LRRK1: variants seen among roughly 807,000 people sequenced by gnomAD.
The protein encoded by LRRK1 is leucine rich repeat kinase 1.
Under a neutral mutation model 209.1 loss-of-function variants are expected in LRRK1, and 113 were observed. The ratio of observed to expected loss-of-function variants is 0.54; its 90% CI spans 0.46 to 0.63. LRRK1 has a LOEUF of 0.63. LRRK1 is among the 30% of genes least tolerant of loss of function. The pLI is 0.00. For synonymous variants in LRRK1, 1,144 were observed against 1,099.7 expected, an observed-to-expected ratio of 1.04 and a Z score of -0.80; for missense variants, 2,284 against 2,632.2, an observed-to-expected ratio of 0.87 and a Z score of 2.89.
Position 101,067,676 on chromosome 15 carries a change from T to C in LRRK1, c.5870+935T>C, listed in dbSNP as rs190448680. On this transcript the variant is annotated intron_variant, in intron 33 of 33. Transcript: ENST00000388948. ...AGCTTTGAACTTTTGCAGTGAGTCC[T>C]GGGCCAGTGACCCTTACTCTGTAAG... Among the ~76,000 whole-genome samples the C allele has an allele frequency of 6.6e-3, 1,001 of 152,318 alleles. 10 individuals carry two copies. The highest frequency in any genetic ancestry group is 0.023 in the African/African-American group (967 of 41,568).
In LRRK1 at chr15:101,019,394, T is replaced by A. The variant is rs1365508940; in HGVS notation, c.1610-1659T>A. Among the ~76,000 whole-genome samples the A allele has an allele frequency of 2.0e-5, 3 of 152,184 alleles. No homozygotes were observed. In the East Asian group the frequency reaches 5.8e-4, roughly 29 times the overall value. ...TTCATTGAAGGAAAAAAAAGGAAGC[T>A]TTTTGAACATTTCCTTACCTAGCAA... On this transcript the variant is annotated intron_variant, in intron 12 of 33. Transcript: ENST00000388948.
At chr15:101,050,572 G>C (rs2035365594) in intron 23 of LRRK1, among the ~76,000 whole-genome samples, 1 of 152,192 alleles carries the variant, frequency 6.6e-6, no homozygotes, top group Non-Finnish European at 1.5e-5. Flanking sequence ...GAGCGGGTTT[G>C]GAATTCCAGT....
chr15:101,021,811 TGTA>T, intron 13 of LRRK1, 31 bp from the exon 14 acceptor site: 2 of 1,050,954 alleles, frequency 1.9e-6, no homozygotes, highest in African/African-American at 1.7e-5. Context: ...TGTGTGTGTG[TGTA>T]TTCTCTCGTG....
At chr15:100,952,547 T>A (rs1182357569) in intron 2 of LRRK1, among the ~76,000 whole-genome samples, 7 of 152,234 alleles carry the variant, frequency 4.6e-5, no homozygotes, top group Non-Finnish European at 1.0e-4. Flanking sequence ...TGATCATATA[T>A]TTTTCCATGT....
At position 101,008,359 on chromosome 15, in the gene LRRK1, G is replaced by A. The variant is rs186002040; in HGVS notation, c.763-478G>A. ...CAGCCTGTCCACCAAGCACCCTGGC[G>A]CGGTGCGGGCAGCTGCAGGCGGCAG... is the stretch of plus-strand genomic sequence containing the variant. On this transcript the variant is annotated intron_variant, in intron 6 of 33. Coordinates refer to ENST00000388948, the MANE Select transcript of LRRK1 (RefSeq NM_024652.6). Among the ~76,000 whole-genome samples, 1,490 of 152,216 alleles carry A rather than the reference G, an allele frequency of 9.8e-3. 16 individuals are homozygous for A. Among genetic ancestry groups the A allele is most frequent in the Non-Finnish European group, 0.013 (895 of 68,014 alleles).
intron 2 of LRRK1, among the ~76,000 whole-genome samples, chr15:100,958,566 T>G (rs1363849847): frequency 6.6e-6 from 1 of 152,248 alleles, no homozygotes; most frequent in African/African-American, 2.4e-5. Context: ...GCATGATTCA[T>G]CCCAGATGGC....
At chr15:100,930,903 T>C in intron 2 of LRRK1, among the ~76,000 whole-genome samples, 1 of 152,248 alleles carries the variant, frequency 6.6e-6, no homozygotes, top group East Asian at 1.9e-4. Flanking sequence ...AACTTGAGTG[T>C]GTGAATTGCA....
At position 100,919,893 on chromosome 15, in the gene LRRK1, G is replaced by C. The variant is rs545765307; in HGVS notation, c.-123+442G>C. 20 of 152,610 alleles carry C rather than the reference G, an allele frequency of 1.3e-4. No individual in the cohort carries two copies. The highest frequency in any genetic ancestry group is 4.6e-4 in the African/African-American group (19 of 41,586). The allele number at this position is 152,610 out of a possible 1,614,324, so 9.5% of individuals were successfully genotyped here. The stretch of plus-strand genomic sequence containing the variant: ...TTAGCGGGGAGCGGGCGGAGTGTGA[G>C]CGCGCGGGTGAGCCCGTGCCGGGGT... On this transcript the variant is annotated intron_variant, in intron 1 of 33. Transcript: ENST00000388948. This position sits in a 1 kb window ranked among gnomAD's most constrained non-coding sequence, Gnocchi z 5.8.
At position 101,063,942 on chromosome 15, in the gene LRRK1, CCACCGCTGGCGAGAGCCCCCAGCCAGGG is replaced by C. The variant is rs201832343; in HGVS notation, c.4914+1257_4914+1284del. Among the ~76,000 whole-genome samples, 25 of 152,370 alleles carry C rather than the reference CCACCGCTGGCGAGAGCCCCCAGCCAGGG, an allele frequency of 1.6e-4. 1 individual carries two copies. In the East Asian group the frequency reaches 4.8e-3, roughly 29 times the overall value. On this transcript the variant is annotated intron_variant, in intron 31 of 33. Coordinates refer to ENST00000388948, the MANE Select transcript of LRRK1 (RefSeq NM_024652.6). Reference sequence around the variant, plus strand: ...AACACGACACAAAGTGTTATTGAGGCCACCGCTGGCGAGAGCCCCCAGCCAGGGCACCACCTCCTGCACGACCAGAGGG... The same window carrying C: ...AACACGACACAAAGTGTTATTGAGGCCACCACCTCCTGCACGACCAGAGGG...
In LRRK1 at chr15:101,072,374, C is replaced by T. The variant is rs185340767; in HGVS notation, c.*3526C>T. The T allele has an allele frequency of 3.9e-5, 6 of 152,360 alleles. No homozygotes were observed. The highest frequency in any genetic ancestry group is 1.4e-4 in the African/African-American group (6 of 41,574). The allele number at this position is 152,360 out of a possible 1,614,324, so 9.4% of individuals were successfully genotyped here. A position where few individuals can be genotyped will look rare whatever the true frequency, so the allele number is the denominator to read the frequency against. ...GGTCATAAAATTCCTGCACATGCAA[C>T]AGTGCCATCCTCTGCAGCCTGTCAA... On this transcript the variant is annotated 3_prime_UTR_variant, in exon 34 of 34. Coordinates refer to ENST00000388948, the MANE Select transcript of LRRK1 (RefSeq NM_024652.6).
chr15:100,936,290 C>A (rs2042298532), intron 2 of LRRK1, among the ~76,000 whole-genome samples: 1 of 152,174 alleles, frequency 6.6e-6, no homozygotes, highest in South Asian at 2.1e-4. Context: ...CCTTCAACTC[C>A]AGGGGTAGCC....
At chr15:100,967,034 G>A (rs2030508718) in intron 2 of LRRK1, among the ~76,000 whole-genome samples, 1 of 152,212 alleles carries the variant, frequency 6.6e-6, no homozygotes, top group South Asian at 2.1e-4. Flanking sequence ...ACCTGCACAT[G>A]TCTTTTACTG....
chr15:101,045,009 G>A (rs906439734), intron 20 of LRRK1, among the ~76,000 whole-genome samples: 1 of 152,212 alleles, frequency 6.6e-6, no homozygotes, highest in Non-Finnish European at 1.5e-5. Flanking sequence ...TGTCTGCTGT[G>A]TCATCTGCAC....
chr15:101,058,377 G>C (rs944124183), intron 29 of LRRK1, among the ~76,000 whole-genome samples: 16 of 152,128 alleles, frequency 1.1e-4, no homozygotes, highest in Admixed American at 5.2e-4. Context: ...GTATCTGCCA[G>C]GGTGTCTGGG....
chr15:101,026,472 G>A (rs2034038535), intron 17 of LRRK1, among the ~76,000 whole-genome samples: 2 of 152,264 alleles, frequency 1.3e-5, no homozygotes, highest in African/African-American at 4.8e-5. Flanking sequence ...GTTGATCACT[G>A]ATCAAGGACA....
chr15:100,946,612 G>A (rs1041368899), intron 2 of LRRK1, among the ~76,000 whole-genome samples: 2 of 152,214 alleles, frequency 1.3e-5, no homozygotes, highest in African/African-American at 4.8e-5. Context: ...TATACAGGCA[G>A]TCTCCTCTTC....
At chr15:100,976,527 CAGAA>C (rs1389784270) in intron 3 of LRRK1, among the ~76,000 whole-genome samples, 6 of 152,276 alleles carry the variant, frequency 3.9e-5, no homozygotes, top group African/African-American at 1.4e-4. Context: ...TGATAAAAAT[CAGAA>C]GGAAGGCTAT....
intron 2 of LRRK1, among the ~76,000 whole-genome samples, chr15:100,945,477 A>C (rs1166720073): frequency 1.6e-5 from 2 of 122,928 alleles, no homozygotes; most frequent in African/African-American, 6.1e-5. Flanking sequence ...ATCTCTGCAG[A>C]GCCTCTTTTT....
intron 13 of LRRK1, 138 bp downstream of exon 13, chr15:101,021,320 G>A (rs549370497): frequency 7.6e-5 from 68 of 899,852 alleles, no homozygotes; most frequent in Admixed American, 2.1e-4. Context: ...TGAGATTTTC[G>A]GAACAGGGCT....
Sources: gnomAD v4.1 joint callset for allele counts (sites outside exome capture counted in the v4.1 genomes callset) on GRCh38, gnomAD v4.1.1 for gene constraint, Gnocchi (gnomAD v3.1) non-coding constraint, MANE v1.5 for transcripts, NCBI Gene and HGNC (gene_info 2026-07-23, HGNC 2026-07-21) for gene names.